SEMA3E: variants seen among roughly 807,000 people sequenced by gnomAD.
The protein encoded by SEMA3E is semaphorin 3E.
Under a neutral mutation model 93.6 loss-of-function variants are expected in SEMA3E, and 49 were observed. The ratio of observed to expected loss-of-function variants is 0.52; its 90% confidence interval spans 0.42 to 0.66. The LOEUF (loss-of-function observed/expected upper bound fraction) is 0.66. SEMA3E is among the 30% of genes least tolerant of loss of function. The pLI, the probability that SEMA3E is intolerant of heterozygous loss-of-function variation, is 0.00. For missense variants in SEMA3E, 906 were observed against 964.8 expected (o/e 0.94, Z 0.81); for synonymous variants, 363 against 330.7 (o/e 1.10, Z -1.06).
chr7:83,438,709 T>C (rs6951396), intron 4 of SEMA3E, among the ~76,000 whole-genome samples: 109,964 of 151,768 alleles, frequency 0.72, 40,851 homozygotes, highest in East Asian at 1. Flanking sequence ...ATATGCTATA[T>C]ATATTATAAT....
intron 16 of SEMA3E, among the ~76,000 whole-genome samples, chr7:83,373,738 T>G (rs1794781153): frequency 6.6e-6 from 1 of 152,186 alleles, no homozygotes; most frequent in South Asian, 2.1e-4. Flanking sequence ...TTAGGGCATT[T>G]ATATTCAAGA....
chr7:83,567,814 T>G (rs1197742054), intron 1 of SEMA3E, among the ~76,000 whole-genome samples: 1 of 151,908 alleles, frequency 6.6e-6, no homozygotes, highest in Non-Finnish European at 1.5e-5. Context: ...ACAACGATTT[T>G]GAATAAACAA....
intron 1 of SEMA3E, among the ~76,000 whole-genome samples, chr7:83,505,972 A>T (rs906426418): frequency 6.9e-6 from 1 of 144,176 alleles, no homozygotes; most frequent in Non-Finnish European, 1.5e-5. Context: ...CTGAGATGGC[A>T]CCACTGCACT....
chr7:83,547,855 A>G (rs1791683157), intron 1 of SEMA3E, among the ~76,000 whole-genome samples: 2 of 152,076 alleles, frequency 1.3e-5, no homozygotes, highest in Admixed American at 1.3e-4. Flanking sequence ...ACTAAAGCAG[A>G]CATATGAAAA....
rs75416423 is a variant in SEMA3E at position 83,377,316 on chromosome 7, C to T, written c.1875+7978G>A. 1.1e-4 allele frequency among the ~76,000 whole-genome samples: 17 copies of T among 152,066 alleles called. 1 individual carries two copies. In the East Asian group the frequency reaches 3.3e-3, roughly 29 times the overall value. On this transcript the variant is annotated intron_variant, in intron 16 of 16. Coordinates refer to ENST00000643230, the MANE Select transcript of SEMA3E (RefSeq NM_012431.3). ...TCACAATAATATTCATTTTATAGGG[C>T]TTTACTTGTGTATGCATTTTCATTT...
intron 1 of SEMA3E, among the ~76,000 whole-genome samples, chr7:83,563,753 C>T (rs892908329): frequency 6.6e-6 from 1 of 152,070 alleles, no homozygotes; most frequent in Non-Finnish European, 1.5e-5. Context: ...AAATATATGG[C>T]TGTTAAAAAT....
chr7:83,571,120 T>G (rs215280), intron 1 of SEMA3E, among the ~76,000 whole-genome samples: 2 of 150,814 alleles, frequency 1.3e-5, no homozygotes, highest in Non-Finnish European at 3.0e-5. Flanking sequence ...CCTGGTCAGA[T>G]GGATTTGCAG....
chr7:83,598,336 A>G (rs948942332), intron 1 of SEMA3E, among the ~76,000 whole-genome samples: 3 of 152,206 alleles, frequency 2.0e-5, no homozygotes, highest in African/African-American at 7.2e-5. Flanking sequence ...ATTGTTTTAG[A>G]GATCCTTTAA....
At chr7:83,549,861 C>T (rs569422781) in intron 1 of SEMA3E, among the ~76,000 whole-genome samples, 22 of 152,042 alleles carry the variant, frequency 1.4e-4, no homozygotes, top group African/African-American at 5.1e-4. Context: ...GCATTTATGG[C>T]CGTAACAGTT....
At chr7:83,562,187 A>T (rs1481185528) in intron 1 of SEMA3E, among the ~76,000 whole-genome samples, 1 of 152,112 alleles carries the variant, frequency 6.6e-6, no homozygotes, top group Non-Finnish European at 1.5e-5. Context: ...CTTAACCTTA[A>T]TTTAAAATGG....
chr7:83,446,428 A>G (rs957447127), intron 4 of SEMA3E, among the ~76,000 whole-genome samples: 23 of 152,248 alleles, frequency 1.5e-4, no homozygotes, highest in Non-Finnish European at 2.4e-4. Context: ...ACACAGATAC[A>G]CAAAGAACCA....
At chr7:83,506,032 A>C (rs867249895) in intron 1 of SEMA3E, among the ~76,000 whole-genome samples, 1 of 119,732 alleles carries the variant, frequency 8.4e-6, no homozygotes, top group African/African-American at 3.6e-5. Flanking sequence ...AAAAAAAAAA[A>C]ATATATATAT....
chr7:83,418,493 A>G lies in SEMA3E; in HGVS notation c.457-10T>C. On this transcript the variant is annotated splice_polypyrimidine_tract_variant and intron_variant, in intron 4 of 16. Transcript: ENST00000643230. ...GGTGAAACAGAGGATCCTTGAAAGAAAACCAGAAAAATCATTATGAATATG... is the reference window on the plus strand; with the variant it reads ...GGTGAAACAGAGGATCCTTGAAAGAGAACCAGAAAAATCATTATGAATATG... 6.3e-7 allele frequency: 1 copy of G among 1,584,016 alleles called. No homozygotes were observed. The highest frequency in any genetic ancestry group is 8.7e-7 in the Non-Finnish European group (1 of 1,155,550).
intron 4 of SEMA3E, among the ~76,000 whole-genome samples, chr7:83,438,825 A>T (rs1300181251): frequency 6.6e-6 from 1 of 152,188 alleles, no homozygotes; most frequent in Non-Finnish European, 1.5e-5. Flanking sequence ...ACATTTATGT[A>T]TACACTTTTA....
intron 1 of SEMA3E, among the ~76,000 whole-genome samples, chr7:83,540,141 G>A (rs55692501): frequency 0.22 from 33,142 of 151,972 alleles, 3,818 homozygotes; most frequent in East Asian, 0.39. Context: ...CGTCGGCCTT[G>A]CAAACTGCTG....
intron 1 of SEMA3E, among the ~76,000 whole-genome samples, chr7:83,586,218 A>G (rs1792623743): frequency 6.6e-6 from 1 of 152,186 alleles, no homozygotes; most frequent in Non-Finnish European, 1.5e-5. Context: ...TTGAGCTCAA[A>G]TTGTATATAT....
chr7:83,471,968 G>A (rs917194708), intron 2 of SEMA3E, among the ~76,000 whole-genome samples: 4 of 152,218 alleles, frequency 2.6e-5, no homozygotes, highest in South Asian at 2.1e-4. Context: ...ACTGGACCAC[G>A]ACATCATGTT....
chr7:83,506,128 T>A (rs539521448), intron 1 of SEMA3E, among the ~76,000 whole-genome samples: 42 of 151,806 alleles, frequency 2.8e-4, no homozygotes, highest in Non-Finnish European at 1.5e-5. Context: ...CAATTTATTC[T>A]TATTGATCTG....
At chr7:83,561,492 T>C (rs578174007) in intron 1 of SEMA3E, among the ~76,000 whole-genome samples, 1 of 152,246 alleles carries the variant, frequency 6.6e-6, no homozygotes, top group African/African-American at 2.4e-5. Flanking sequence ...CCTAATCATA[T>C]TCTTTCCTCT....
Sources: allele counts gnomAD v4.1 joint callset (sites outside exome capture counted in the v4.1 genomes callset), GRCh38; gene constraint gnomAD v4.1.1; transcripts MANE v1.5; gene names NCBI Gene and HGNC (gene_info 2026-07-23, HGNC 2026-07-21).